LHFPL3: variants seen among roughly 807,000 people sequenced by gnomAD.
LHFPL3 encodes LHFPL tetraspan subfamily member 3 protein.
A neutral mutation model predicts 19.3 loss-of-function variants in LHFPL3; 5 were observed. The ratio of observed to expected loss-of-function variants is 0.26; its 90% CI spans 0.14 to 0.54. LHFPL3 has a LOEUF of 0.54. Ranked by LOEUF, LHFPL3 falls within the 20% of genes least tolerant of loss-of-function variation. The pLI is 0.94. For missense variants in LHFPL3, 249 were observed against 307.4 expected (o/e 0.81, Z 1.42); for synonymous variants, 133 against 126.2 (o/e 1.05, Z -0.36).
chr7:104,339,801 A>G (rs536326414), intron 1 of LHFPL3, among the ~76,000 whole-genome samples: 1 of 152,288 alleles, frequency 6.6e-6, no homozygotes, highest in Non-Finnish European at 1.5e-5. Context: ...TTTTCCCCTA[A>G]TGTGCCCTTG....
intron 1 of LHFPL3, among the ~76,000 whole-genome samples, chr7:104,474,681 C>T (rs1353384752): frequency 3.4e-5 from 2 of 59,146 alleles, no homozygotes; most frequent in African/African-American, 1.4e-4. Context: ...ACAACAACAA[C>T]AACAACAAAA....
intron 1 of LHFPL3, among the ~76,000 whole-genome samples, chr7:104,670,120 A>C (rs10238889): frequency 0.98 from 149,289 of 151,614 alleles, 73,536 homozygotes; most frequent in East Asian, 1. Flanking sequence ...GTTTTGGGGG[A>C]CAGCCTAGAG....
intron 1 of LHFPL3, among the ~76,000 whole-genome samples, chr7:104,407,756 G>A (rs988599544): frequency 2.0e-5 from 3 of 152,192 alleles, no homozygotes; most frequent in African/African-American, 7.2e-5. Context: ...GCAGAAACAT[G>A]ATGGGTAGAG....
At chr7:104,901,330 C>A (rs780454156) in intron 2 of LHFPL3, among the ~76,000 whole-genome samples, 17 of 152,126 alleles carry the variant, frequency 1.1e-4, no homozygotes, top group Non-Finnish European at 2.2e-4. Context: ...CTGATCACAG[C>A]TGGTTATTAT....
At chr7:104,351,773 G>A (rs1264918066) in intron 1 of LHFPL3, among the ~76,000 whole-genome samples, 1 of 152,184 alleles carries the variant, frequency 6.6e-6, no homozygotes, top group East Asian at 1.9e-4. Context: ...CATATGCCAA[G>A]TATTAGGAAA....
chr7:104,776,618 T>G (rs1022477012), intron 2 of LHFPL3, among the ~76,000 whole-genome samples: 1 of 152,172 alleles, frequency 6.6e-6, no homozygotes, highest in African/African-American at 2.4e-5. Flanking sequence ...CGGATGTGAA[T>G]CTGCTGGTCC....
intron 2 of LHFPL3, among the ~76,000 whole-genome samples, chr7:104,791,501 G>A (rs1448052807): frequency 1.3e-5 from 2 of 152,122 alleles, no homozygotes; most frequent in Non-Finnish European, 2.9e-5. Flanking sequence ...CATGATCACT[G>A]TAGTTCAGGG....
At chr7:104,712,118 C>A (rs1200633800) in intron 1 of LHFPL3, among the ~76,000 whole-genome samples, 1 of 151,978 alleles carries the variant, frequency 6.6e-6, no homozygotes, top group Non-Finnish European at 1.5e-5. Flanking sequence ...TTGGATAGAC[C>A]CAATTTAATC....
intron 1 of LHFPL3, among the ~76,000 whole-genome samples, chr7:104,735,722 T>C (rs1473950507): frequency 6.6e-6 from 1 of 152,224 alleles, no homozygotes; most frequent in Non-Finnish European, 1.5e-5. Context: ...GCACCCACTG[T>C]CTGACAAGCC....
chr7:104,565,729 A>G (rs777677094), intron 1 of LHFPL3, among the ~76,000 whole-genome samples: 835 of 43,044 alleles, frequency 0.019, 6 homozygotes, highest in African/African-American at 0.061. Context: ...CTGTCTATCT[A>G]TCTATCTATC....
chr7:104,368,320 C>A (rs768023883), intron 1 of LHFPL3, among the ~76,000 whole-genome samples: 2 of 152,072 alleles, frequency 1.3e-5, no homozygotes, highest in Non-Finnish European at 2.9e-5. Flanking sequence ...ATGAGATCTA[C>A]CCTCTCATTT....
chr7:104,632,702 C>T (rs1487426523), intron 1 of LHFPL3, among the ~76,000 whole-genome samples: 2 of 152,212 alleles, frequency 1.3e-5, no homozygotes, highest in Admixed American at 1.3e-4. Context: ...GTCACTCAGG[C>T]TGGAGTGCAG....
At chr7:104,671,519 C>T (rs1584472551) in intron 1 of LHFPL3, among the ~76,000 whole-genome samples, 1 of 146,158 alleles carries the variant, frequency 6.8e-6, no homozygotes, top group East Asian at 2.0e-4. Flanking sequence ...AAATCCCATC[C>T]TTTGGGTTGT....
intron 1 of LHFPL3, among the ~76,000 whole-genome samples, chr7:104,432,965 G>A (rs938354663): frequency 6.6e-6 from 1 of 152,048 alleles, no homozygotes; most frequent in Non-Finnish European, 1.5e-5. Context: ...GTTTCATTCA[G>A]TACAGCTGGG....
rs150274687 is a variant in LHFPL3 at position 104,397,889 on chromosome 7, A to G, written c.445+68665A>G. 1.5e-3 allele frequency among the ~76,000 whole-genome samples: 224 copies of G among 152,306 alleles called. 2 individuals carry two copies. Among genetic ancestry groups the G allele is most frequent in the Middle Eastern group, 6.8e-3 (2 of 294 alleles). ...GGAAATAGCACATGCCAAGGATCCT[A>G]TGGACACATAGTTTACCTTGAGTTT... On this transcript the variant is annotated intron_variant, in intron 1 of 2. Coordinates refer to ENST00000424859, the MANE Select transcript of LHFPL3 (RefSeq NM_199000.3).
intron 1 of LHFPL3, among the ~76,000 whole-genome samples, chr7:104,354,273 C>T (rs934279775): frequency 5.9e-5 from 9 of 152,232 alleles, no homozygotes; most frequent in Admixed American, 3.3e-4. Flanking sequence ...ACCACATTTC[C>T]GCCCTGTCCA....
intron 1 of LHFPL3, among the ~76,000 whole-genome samples, chr7:104,352,270 G>A (rs928472166): frequency 4.6e-5 from 7 of 151,510 alleles, no homozygotes; most frequent in Non-Finnish European, 5.9e-5. Flanking sequence ...TATATTGTAA[G>A]CATAGAAAAT....
intron 2 of LHFPL3, among the ~76,000 whole-genome samples, chr7:104,798,583 T>C (rs1790178112): frequency 6.6e-6 from 1 of 152,214 alleles, no homozygotes; most frequent in African/African-American, 2.4e-5. Context: ...TTGGTATCAT[T>C]TCACCTTATA....
At chr7:104,871,668 T>C (rs1338871400) in intron 2 of LHFPL3, among the ~76,000 whole-genome samples, 1 of 152,156 alleles carries the variant, frequency 6.6e-6, no homozygotes, top group Non-Finnish European at 1.5e-5. Context: ...AAAAATAATT[T>C]TTTTTTTGAG....
Sources: allele counts gnomAD v4.1 joint callset (sites outside exome capture counted in the v4.1 genomes callset), GRCh38; gene constraint gnomAD v4.1.1; transcripts MANE v1.5; gene names NCBI Gene and HGNC (gene_info 2026-07-23, HGNC 2026-07-21).